Variants in KAZN observed in about 807,000 individuals in gnomAD.
KAZN encodes the protein kazrin, periplakin interacting protein, also known as kazrin.
In KAZN, 40 loss-of-function variants were observed where a neutral mutation model predicts 87.4. The ratio of observed to expected loss-of-function variants is 0.46; its 90% CI spans 0.36 to 0.60. The LOEUF is 0.60. Among genes scored for constraint, KAZN ranks in the 20% least tolerant of loss-of-function variants. The probability of loss-of-function intolerance (pLI) is 0.00; values close to 1 mark genes in which losing one functional copy is unlikely to be tolerated. For missense variants in KAZN, 898 were observed against 1,073.9 expected, an observed-to-expected ratio of 0.84 and a Z score of 2.29; for synonymous variants, 466 against 458.3, an observed-to-expected ratio of 1.02 and a Z score of -0.22.
chr1:14,941,744 A>T (rs1661105616), intron 1 of KAZN, among the ~76,000 whole-genome samples: 2 of 152,190 alleles, frequency 1.3e-5, no homozygotes, highest in African/African-American at 4.8e-5. Context: ...CGAAAGCTGA[A>T]AACGCTTTGG....
chr1:14,946,336 TTCTC>T (rs1310501878), intron 1 of KAZN, among the ~76,000 whole-genome samples: 5 of 132,902 alleles, frequency 3.8e-5, no homozygotes, highest in South Asian at 4.7e-4. Context: ...TTTTTTTTAA[TTCTC>T]TCTTTTTTTT....
In KAZN at chr1:15,057,383, G is replaced by T. The variant is rs561339049; in HGVS notation, c.916+1103G>T. Among the ~76,000 whole-genome samples, 6 of 152,250 alleles carry T rather than the reference G, an allele frequency of 3.9e-5. No individual in the cohort carries two copies. The East Asian group carries it at 1.2e-3, about 29-fold the overall frequency. The stretch of plus-strand genomic sequence containing the variant: ...TGGAGCTGTCGTGAAGATGAAATGT[G>T]TAAAACTGCGGGAATGGGGCTGGGA... On this transcript the variant is annotated intron_variant, in intron 5 of 14. Transcript: ENST00000376030.
In KAZN at chr1:14,541,856, C is replaced by T. The variant is rs2148496256; in HGVS notation, c.250-57127C>T. ...CCTCGGTCTCATCTTTAAAGGCGGCCTTCTATGTCACATTGAGGTGTTTCA... is the reference window on the plus strand; with the variant it reads ...CCTCGGTCTCATCTTTAAAGGCGGCTTTCTATGTCACATTGAGGTGTTTCA... On this transcript the variant is annotated intron_variant, in intron 2 of 16. Coordinates refer to the KAZN transcript ENST00000636203. 2.0e-5 allele frequency among the ~76,000 whole-genome samples: 3 copies of T among 152,294 alleles called. 1 individual carries two copies. In the Middle Eastern group the frequency reaches 0.01, roughly 518 times the overall value.
intron 2 of KAZN, among the ~76,000 whole-genome samples, chr1:14,528,337 CAAAA>C (rs33960231): frequency 2.0e-5 from 1 of 49,370 alleles, no homozygotes; most frequent in Non-Finnish European, 3.4e-5. Context: ...GACTCCATCT[CAAAA>C]AAAAAAAAAA....
intron 1 of KAZN, among the ~76,000 whole-genome samples, chr1:13,994,794 G>A (rs1319642961): frequency 6.6e-6 from 1 of 152,144 alleles, no homozygotes; most frequent in Non-Finnish European, 1.5e-5. Context: ...CTGTGAAGAG[G>A]ATGCTGTAAG....
intron 1 of KAZN, among the ~76,000 whole-genome samples, chr1:14,696,928 C>G (rs574390454): frequency 1.3e-5 from 2 of 152,086 alleles, no homozygotes; most frequent in South Asian, 4.2e-4. Context: ...TGCCAACAGG[C>G]GGGGGTCCTT....
chr1:14,035,125 C>G (rs1641496759), intron 1 of KAZN, among the ~76,000 whole-genome samples: 1 of 152,186 alleles, frequency 6.6e-6, no homozygotes, highest in Admixed American at 6.5e-5. Flanking sequence ...GGAGGCATAG[C>G]CTCATTGTCC....
intron 2 of KAZN, among the ~76,000 whole-genome samples, chr1:14,544,350 C>CTTTTTTTTTTTTTTTTTTTTTTTTTTT (rs374148415): frequency 1.0e-5 from 1 of 98,126 alleles, no homozygotes; most frequent in Non-Finnish European, 1.9e-5. Context: ...TTCTTTCTTT[C>CTTTTTTTTTTTTTTTTTTTTTTTTTTT]TTTTTTTTTT....
At chr1:14,018,168 G>A (rs1484151650) in intron 1 of KAZN, among the ~76,000 whole-genome samples, 1 of 152,182 alleles carries the variant, frequency 6.6e-6, no homozygotes, top group Non-Finnish European at 1.5e-5. Context: ...AATGAACTCA[G>A]AGTAAAACAA....
At chr1:14,364,909 TTTTG>T (rs748535519) in intron 2 of KAZN, among the ~76,000 whole-genome samples, 12 of 152,058 alleles carry the variant, frequency 7.9e-5, no homozygotes, top group Admixed American at 2.0e-4. Context: ...TTTTGTTTTG[TTTTG>T]TTTGTTTGTT....
intron 2 of KAZN, among the ~76,000 whole-genome samples, chr1:14,318,865 G>C (rs933958361): frequency 6.6e-6 from 1 of 151,550 alleles, no homozygotes; most frequent in Non-Finnish European, 1.5e-5. Context: ...AGACTTCATT[G>C]GTTCTTTATA....
chr1:15,028,058 C>G (rs1005995323), intron 2 of KAZN, among the ~76,000 whole-genome samples: 1 of 150,804 alleles, frequency 6.6e-6, no homozygotes, highest in Non-Finnish European at 1.5e-5. Flanking sequence ...TTTGTGTTGT[C>G]TCGGTCTTTC....
intron 2 of KAZN, among the ~76,000 whole-genome samples, chr1:14,976,415 A>G (rs191396183): frequency 6.6e-6 from 1 of 152,314 alleles, no homozygotes; most frequent in Non-Finnish European, 1.5e-5. Context: ...ACCCGGCAGC[A>G]CAGACCTTGG....
chr1:14,041,706 G>A (rs1641846183), intron 1 of KAZN, among the ~76,000 whole-genome samples: 1 of 152,020 alleles, frequency 6.6e-6, no homozygotes. Flanking sequence ...TTCATCCAAA[G>A]TCTTCTTTTT....
chr1:14,121,865 T>C (rs1329130216), intron 1 of KAZN, among the ~76,000 whole-genome samples: 2 of 152,146 alleles, frequency 1.3e-5, no homozygotes, highest in Non-Finnish European at 2.9e-5. Flanking sequence ...CTTACAGGAA[T>C]ATCTGAGCAA....
chr1:14,505,279 G>A (rs996911035), intron 2 of KAZN, among the ~76,000 whole-genome samples: 1 of 152,170 alleles, frequency 6.6e-6, no homozygotes, highest in Non-Finnish European at 1.5e-5. Flanking sequence ...AGGAGGGTGG[G>A]TCTGAACATG....
chr1:14,240,545 T>G (rs1427945357), intron 2 of KAZN, among the ~76,000 whole-genome samples: 1 of 152,134 alleles, frequency 6.6e-6, no homozygotes. Flanking sequence ...GGCCCAAATA[T>G]CCCCAAATTA....
chr1:14,520,857 A>G (rs1259286765), intron 2 of KAZN, among the ~76,000 whole-genome samples: 1 of 152,214 alleles, frequency 6.6e-6, no homozygotes, highest in Non-Finnish European at 1.5e-5. Context: ...GCTGAACCAA[A>G]GGAGCAGAAT....
intron 2 of KAZN, among the ~76,000 whole-genome samples, chr1:14,397,319 G>T (rs576449369): frequency 6.6e-6 from 1 of 152,308 alleles, no homozygotes; most frequent in East Asian, 1.9e-4. Flanking sequence ...AAATTCTGGT[G>T]AAGTTCCTCT....
Sources: allele counts gnomAD v4.1 joint callset (sites outside exome capture counted in the v4.1 genomes callset), GRCh38; gene constraint gnomAD v4.1.1; transcripts MANE v1.5; gene names NCBI Gene and HGNC (gene_info 2026-07-23, HGNC 2026-07-21).